SPECC1: variants seen among roughly 807,000 people sequenced by gnomAD.
The protein encoded by SPECC1 is cytospin-B.
In SPECC1, 62 loss-of-function variants were observed where a neutral mutation model predicts 104.1. The observed-to-expected ratio is 0.60, with a 90% CI of 0.49 to 0.74. The LOEUF (loss-of-function observed/expected upper bound fraction) is 0.74. Ranked by LOEUF, SPECC1 falls within the 30% of genes least tolerant of loss-of-function variation. The probability of loss-of-function intolerance (pLI) is 0.00; values close to 1 mark genes in which losing one functional copy is unlikely to be tolerated. For missense variants in SPECC1, 1,306 were observed against 1,310.5 expected (o/e 1.00, Z 0.05); for synonymous variants, 513 against 501.6 (o/e 1.02, Z -0.30).
At position 20,238,617 on chromosome 17, in the gene SPECC1, C is replaced by T. The variant is rs973487579; in HGVS notation, c.2351+6212C>T. The T allele has an allele frequency of 8.6e-6, 9 of 1,042,276 alleles. No homozygotes were observed. The Admixed American group carries it at 2.8e-4, about 32-fold the overall frequency. The allele number at this position is 1,042,276 out of a possible 1,614,324, so 64.6% of individuals were successfully genotyped here. On this transcript the variant is annotated intron_variant, in intron 7 of 14. Transcript: ENST00000395527. ...AAAATTAGCTTGGCGTGAGAAGAGA[C>T]ATTGAGGTCTTCTCTGTAAAATTTA...
chr17:20,102,227 T>C (rs1412372076), intron 2 of SPECC1, among the ~76,000 whole-genome samples: 1 of 152,216 alleles, frequency 6.6e-6, no homozygotes, highest in Non-Finnish European at 1.5e-5. Flanking sequence ...CAAAAAGCAG[T>C]GACAAAGTAA....
intron 3 of SPECC1, among the ~76,000 whole-genome samples, chr17:20,185,482 T>A (rs1187196071): frequency 2.6e-5 from 4 of 152,250 alleles, no homozygotes; most frequent in Admixed American, 1.3e-4. Flanking sequence ...TCCGTGGAGC[T>A]GTCATCTCAG....
At position 20,314,222 on chromosome 17, in the gene SPECC1, G is replaced by C; in HGVS notation, c.*157G>C. 1.5e-6 allele frequency: 1 copy of C among 651,474 alleles called. No homozygotes were observed. Among genetic ancestry groups the C allele is most frequent in the Non-Finnish European group, 2.7e-6 (1 of 364,240 alleles). The allele number at this position is 651,474 out of a possible 1,614,324, so 40.4% of individuals were successfully genotyped here. ...TGGACCAACACCCAAATAAGAAACA[G>C]AGTGGGTCCCACGATGTACCTGTCT... On this transcript the variant is annotated 3_prime_UTR_variant, in exon 15 of 15. Coordinates refer to ENST00000395527, the MANE Select transcript of SPECC1 (RefSeq NM_001243439.2).
intron 3 of SPECC1, among the ~76,000 whole-genome samples, chr17:20,118,944 A>C (rs2048894531): frequency 6.6e-6 from 1 of 152,156 alleles, no homozygotes; most frequent in Non-Finnish European, 1.5e-5. Flanking sequence ...ACAGGATTCT[A>C]GGAAAAGACC....
intron 7 of SPECC1, chr17:20,237,950 C>A: frequency 1.4e-6 from 1 of 715,758 alleles, no homozygotes; most frequent in Non-Finnish European, 1.7e-6. Context: ...CCATGTTGGT[C>A]AGGCTGGTCT....
intron 2 of SPECC1, among the ~76,000 whole-genome samples, chr17:20,108,594 T>G (rs1431479604): frequency 2.6e-5 from 4 of 152,248 alleles, no homozygotes; most frequent in African/African-American, 9.6e-5. Context: ...TATACTCTTT[T>G]GTGTCTGCTT....
chr17:20,025,043 C>T (rs1350237796), intron 1 of SPECC1, among the ~76,000 whole-genome samples: 2 of 152,194 alleles, frequency 1.3e-5, no homozygotes, highest in Non-Finnish European at 2.9e-5. Flanking sequence ...TAAGTTTAGC[C>T]TAGTCAGTGT....
At chr17:20,014,504 T>C (rs2044047697) in intron 1 of SPECC1, among the ~76,000 whole-genome samples, 1 of 152,218 alleles carries the variant, frequency 6.6e-6, no homozygotes, top group Admixed American at 6.5e-5. Flanking sequence ...CTGTGAATGG[T>C]AAACTTTCTG....
intron 3 of SPECC1, among the ~76,000 whole-genome samples, chr17:20,139,498 C>G (rs2030483363): frequency 6.6e-6 from 1 of 152,240 alleles, no homozygotes; most frequent in Non-Finnish European, 1.5e-5. Flanking sequence ...CTTAACCAAA[C>G]CCATCATCCT....
intron 12 of SPECC1, among the ~76,000 whole-genome samples, chr17:20,281,251 G>A (rs2040761482): frequency 6.6e-6 from 1 of 152,182 alleles, no homozygotes; most frequent in Admixed American, 6.5e-5. Context: ...ATGTTACAGT[G>A]TCCAAGAACC....
chr17:20,287,863 G>A (rs1470179747), intron 12 of SPECC1, among the ~76,000 whole-genome samples: 1 of 151,818 alleles, frequency 6.6e-6, no homozygotes, highest in African/African-American at 2.4e-5. Flanking sequence ...TGTTACATAG[G>A]TGTGCCATGG....
chr17:20,206,469 C>A (rs939723010), intron 4 of SPECC1, among the ~76,000 whole-genome samples: 3 of 152,180 alleles, frequency 2.0e-5, no homozygotes, highest in African/African-American at 4.8e-5. Flanking sequence ...TCATCCTGTA[C>A]ATGTTATTAA....
chr17:20,135,140 G>T (rs894344607), intron 3 of SPECC1, among the ~76,000 whole-genome samples: 1 of 152,142 alleles, frequency 6.6e-6, no homozygotes, highest in Non-Finnish European at 1.5e-5. Context: ...GAAAGTTTGT[G>T]CATGTTACTG....
At chr17:20,063,535 G>A (rs560273915) in intron 1 of SPECC1, among the ~76,000 whole-genome samples, 3 of 152,198 alleles carry the variant, frequency 2.0e-5, no homozygotes, top group Admixed American at 6.5e-5. Context: ...ATTAATTGCC[G>A]TTTTTATCTT....
chr17:20,020,180 G>C (rs2044317589), intron 1 of SPECC1, among the ~76,000 whole-genome samples: 1 of 152,176 alleles, frequency 6.6e-6, no homozygotes, highest in Admixed American at 6.5e-5. Flanking sequence ...TCTGAGTTCT[G>C]TCTGCAGCAG....
At chr17:20,113,029 T>C in intron 3 of SPECC1, 4 of 819,412 alleles carry the variant, frequency 4.9e-6, no homozygotes, top group Non-Finnish European at 8.6e-6. Context: ...AAGATGAAAA[T>C]GTTTTCCTTA....
chr17:20,166,498 TACAATTATAGA>T (rs2033659294), intron 3 of SPECC1, among the ~76,000 whole-genome samples: 1 of 152,180 alleles, frequency 6.6e-6, no homozygotes, highest in Non-Finnish European at 1.5e-5. Flanking sequence ...AATTGAAAAC[TACAATTATAGA>T]TCATTTAGAA....
At chr17:20,170,313 C>G (rs1392229818) in intron 3 of SPECC1, among the ~76,000 whole-genome samples, 1 of 152,210 alleles carries the variant, frequency 6.6e-6, no homozygotes, top group East Asian at 1.9e-4. Context: ...GAATTGATGG[C>G]AGCTGTCCCT....
chr17:20,270,454 A>AAC (rs2040367109), intron 12 of SPECC1, among the ~76,000 whole-genome samples: 1 of 147,258 alleles, frequency 6.8e-6, no homozygotes, highest in Non-Finnish European at 1.5e-5. Context: ...AAAAAAAAAA[A>AAC]AAAAAAAAAA....
Sources: allele counts gnomAD v4.1 joint callset (sites outside exome capture counted in the v4.1 genomes callset), GRCh38; gene constraint gnomAD v4.1.1; transcripts MANE v1.5; gene names NCBI Gene and HGNC (gene_info 2026-07-23, HGNC 2026-07-21).